CACNA1E: variants seen among roughly 807,000 people sequenced by gnomAD.
CACNA1E encodes calcium voltage-gated channel subunit alpha1 E.
A neutral mutation model predicts 259.2 loss-of-function variants in CACNA1E; 40 were observed. That is an observed-to-expected ratio of 0.15 (90% CI 0.12 to 0.20). CACNA1E has a LOEUF of 0.20. CACNA1E is among the 10% of genes least tolerant of loss of function. The pLI is 1.00. For missense variants in CACNA1E, 1,874 were observed against 3,040.1 expected (o/e 0.62, Z 9.02); for synonymous variants, 1,104 against 1,138.5 (o/e 0.97, Z 0.61).
At chr1:181,558,197 G>A (rs898107400) in intron 3 of CACNA1E, among the ~76,000 whole-genome samples, 1 of 152,214 alleles carries the variant, frequency 6.6e-6, no homozygotes, top group African/African-American at 2.4e-5. Flanking sequence ...GGGATGGGCT[G>A]TGCTGCCCTC....
chr1:181,492,517 T>G (rs1430394011), intron 1 of CACNA1E, among the ~76,000 whole-genome samples: 4 of 152,234 alleles, frequency 2.6e-5, no homozygotes, highest in African/African-American at 9.6e-5. Flanking sequence ...AGGTGAATCC[T>G]GGTGCAATTG....
intron 6 of CACNA1E, among the ~76,000 whole-genome samples, chr1:181,589,131 C>A (rs1442832976): frequency 1.3e-5 from 2 of 152,204 alleles, no homozygotes; most frequent in Non-Finnish European, 2.9e-5. Context: ...GGTGGGCCAG[C>A]ATCTCTAGAG....
intron 47 of CACNA1E, among the ~76,000 whole-genome samples, chr1:181,797,250 AG>A (rs1227046189): frequency 2.0e-5 from 3 of 152,214 alleles, no homozygotes; most frequent in Non-Finnish European, 4.4e-5. Flanking sequence ...AGGATTCACA[AG>A]TCAGAGCAGT....
At chr1:181,671,475 T>C (rs959794421) in intron 7 of CACNA1E, among the ~76,000 whole-genome samples, 3 of 152,212 alleles carry the variant, frequency 2.0e-5, no homozygotes, top group Admixed American at 1.3e-4. Context: ...GGAAATGTTA[T>C]GAAGAAAATG....
chr1:181,332,310 A>G (rs967589615), intron 1 of CACNA1E, among the ~76,000 whole-genome samples: 7 of 152,202 alleles, frequency 4.6e-5, no homozygotes, highest in African/African-American at 1.7e-4. Context: ...GCAGCAAACC[A>G]CCATGGCACA....
chr1:181,476,776 T>C (rs1232848706), intron 2 of CACNA1E, among the ~76,000 whole-genome samples: 1 of 152,198 alleles, frequency 6.6e-6, no homozygotes, highest in Non-Finnish European at 1.5e-5. Context: ...GATGTGCTCC[T>C]GCCGGTTGTT....
Position 181,772,190 on chromosome 1 carries a change from T to A in CACNA1E, c.5098T>A (p.Tyr1700Asn). The A allele has an allele frequency of 5.6e-6, 9 of 1,613,962 alleles. No homozygotes were observed. The highest frequency in any genetic ancestry group is 7.6e-6 in the Non-Finnish European group (9 of 1,179,846). ...ENERCGTDLAYVYFVSFIFFC... is the reference protein window; with the variant it reads ...ENERCGTDLANVYFVSFIFFC... ...CGAACGCTGCGGCACCGATCTGGCCTACGTGTACTTTGTCTCCTTCATCTT... is the reference window on the plus strand; with the variant it reads ...CGAACGCTGCGGCACCGATCTGGCCAACGTGTACTTTGTCTCCTTCATCTT... Residue 1700 changes from tyrosine (Y) to asparagine (N), a missense_variant, in exon 37 of 48, where the codon TAC (tyrosine) becomes AAC (asparagine). This residue lies in a region of CACNA1E where 147 missense variants were observed against 337.1 expected (regional missense o/e 0.44). Coordinates refer to ENST00000367573, the MANE Select transcript of CACNA1E (RefSeq NM_001205293.3).
chr1:181,568,939 A>C (rs747884671), intron 3 of CACNA1E, among the ~76,000 whole-genome samples: 1 of 151,992 alleles, frequency 6.6e-6, no homozygotes, highest in Non-Finnish European at 1.5e-5. Flanking sequence ...CTCTCCCCTG[A>C]TTCATTAGGT....
intron 3 of CACNA1E, among the ~76,000 whole-genome samples, chr1:181,543,609 T>C (rs1668761875): frequency 6.6e-6 from 1 of 152,054 alleles, no homozygotes; most frequent in South Asian, 2.1e-4. Context: ...GAGAAGAGGG[T>C]CCTCGCCAGG....
intron 25 of CACNA1E, 142 bp from the exon 26 acceptor site, chr1:181,750,334 T>A (rs1298662895): frequency 5.7e-6 from 4 of 700,080 alleles, no homozygotes; most frequent in Non-Finnish European, 9.8e-6. Context: ...CCTGGGCCTG[T>A]GCTGCTCTGA....
chr1:181,396,707 A>G (rs763647848), intron 1 of CACNA1E, among the ~76,000 whole-genome samples: 16 of 152,258 alleles, frequency 1.1e-4, no homozygotes, highest in Admixed American at 2.0e-4. Flanking sequence ...TGAGTAGAAC[A>G]ATGTGGAATA....
chr1:181,636,824 G>C (rs527544538), intron 6 of CACNA1E, among the ~76,000 whole-genome samples: 149 of 152,316 alleles, frequency 9.8e-4, no homozygotes, highest in African/African-American at 3.5e-3. Flanking sequence ...GCCTTGACCA[G>C]TCTTTCCATC....
chr1:181,717,026 C>T (rs759216414), intron 10 of CACNA1E, 67 bp from the exon 11 acceptor site: 71 of 1,392,114 alleles, frequency 5.1e-5, no homozygotes, highest in South Asian at 3.5e-4. Flanking sequence ...TCTTGCCCTT[C>T]GAATGCTCCC....
At chr1:181,498,759 G>A (rs539522503) in intron 1 of CACNA1E, among the ~76,000 whole-genome samples, 10 of 152,286 alleles carry the variant, frequency 6.6e-5, no homozygotes, top group Admixed American at 2.0e-4. Context: ...CCAGGGCCGC[G>A]ACCAAGTGCC....
chr1:181,777,833 G>A (rs1660097773), intron 38 of CACNA1E, among the ~76,000 whole-genome samples: 2 of 152,164 alleles, frequency 1.3e-5, no homozygotes, highest in Non-Finnish European at 2.9e-5. Flanking sequence ...TATGGGATTG[G>A]GAGCCTAAGA....
At chr1:181,394,057 G>A (rs1422576477) in intron 1 of CACNA1E, among the ~76,000 whole-genome samples, 1 of 152,118 alleles carries the variant, frequency 6.6e-6, no homozygotes, top group Non-Finnish European at 1.5e-5. Flanking sequence ...AGTGTGATGT[G>A]GTGACTTCAG....
intron 1 of CACNA1E, among the ~76,000 whole-genome samples, chr1:181,406,442 G>A (rs1557977795): frequency 6.6e-6 from 1 of 151,894 alleles, no homozygotes; most frequent in East Asian, 1.9e-4. Flanking sequence ...TGTCTCCCAG[G>A]CTGGAGTGAA....
chr1:181,466,968 C>T (rs1007647410), intron 2 of CACNA1E, among the ~76,000 whole-genome samples: 7 of 152,088 alleles, frequency 4.6e-5, no homozygotes, highest in East Asian at 1.9e-4. Context: ...GTAAGAGTGC[C>T]GGACACAGCA....
At chr1:181,636,815 C>T (rs946749309) in intron 6 of CACNA1E, among the ~76,000 whole-genome samples, 1 of 152,174 alleles carries the variant, frequency 6.6e-6, no homozygotes, top group Non-Finnish European at 1.5e-5. Context: ...TCAAGCTTAG[C>T]CTTGACCAGT....
Sources: gnomAD v4.1 joint callset for allele counts (sites outside exome capture counted in the v4.1 genomes callset) on GRCh38, gnomAD v4.1.1 for gene constraint, gnomAD v4.1.1 regional missense constraint, MANE v1.5 for transcripts, NCBI Gene and HGNC (gene_info 2026-07-23, HGNC 2026-07-21) for gene names.